Variants in LIG1 observed in about 807,000 individuals in gnomAD.
LIG1 encodes DNA ligase 1.
Under a neutral mutation model 115.7 loss-of-function variants are expected in LIG1, and 70 were observed. That is an observed-to-expected ratio of 0.60 (90% CI 0.50 to 0.74). The LOEUF (loss-of-function observed/expected upper bound fraction) is 0.74. Among genes scored for constraint, LIG1 ranks in the 30% least tolerant of loss-of-function variants. LIG1 has a pLI of 0.00. For synonymous variants in LIG1, 487 were observed against 495.3 expected, an observed-to-expected ratio of 0.98 and a Z score of 0.22; for missense variants, 1,115 against 1,225.6, an observed-to-expected ratio of 0.91 and a Z score of 1.35.
rs1018748234 is a variant in LIG1 at position 48,137,464 on chromosome 19, C to T, written c.1254+58G>A. 54 of 1,596,470 alleles carry T rather than the reference C, an allele frequency of 3.4e-5. No homozygotes were observed. In the East Asian group the frequency reaches 8.0e-4, roughly 24 times the overall value. On this transcript the variant is annotated intron_variant, in intron 13 of 27. Coordinates refer to ENST00000263274, the MANE Select transcript of LIG1 (RefSeq NM_000234.3). This position sits in a 1 kb window ranked among gnomAD's most constrained non-coding sequence, Gnocchi z 4.3. ...TACCCAGAAGCCTTCCTGACACACG[C>T]GTGGCCTCAGGTCCCCAAGATGTCT...
intron 21 of LIG1, among the ~76,000 whole-genome samples, chr19:48,125,750 G>A (rs924775144): frequency 2.0e-5 from 3 of 151,940 alleles, no homozygotes; most frequent in Non-Finnish European, 4.4e-5. Flanking sequence ...AGCACTTTGG[G>A]AGGCTGAGGT....
In LIG1 at chr19:48,133,070, T is replaced by TCCCACCC; in HGVS notation, c.1636_1637insGGGTGGG (p.His546ArgfsTer16). 6.2e-7 allele frequency: 1 copy of TCCCACCC among 1,614,002 alleles called. No individual in the cohort carries two copies. The highest frequency in any genetic ancestry group is 8.5e-7 in the Non-Finnish European group (1 of 1,179,892). On this transcript the variant is annotated frameshift_variant, in exon 18 of 28. Coordinates refer to ENST00000263274, the MANE Select transcript of LIG1 (RefSeq NM_000234.3). LOFTEE classifies it high-confidence loss of function. ...GACCTCGCTGATGCCCCGGGTGGGA[T>TCCCACCC]GGGCCAACATTGGTTTCAGGGGAAT...
At chr19:48,124,248 G>C (rs2033510625) in intron 21 of LIG1, among the ~76,000 whole-genome samples, 1 of 152,186 alleles carries the variant, frequency 6.6e-6, no homozygotes, top group African/African-American at 2.4e-5. Context: ...TTGTGCTCAT[G>C]AACATTTTGT....
At chr19:48,152,276 C>T (rs1336912098) in intron 6 of LIG1, among the ~76,000 whole-genome samples, 3 of 152,124 alleles carry the variant, frequency 2.0e-5, no homozygotes, top group African/African-American at 7.2e-5. Flanking sequence ...GCGCATGCCA[C>T]CATACCCAGC....
At chr19:48,127,617 G>T in intron 20 of LIG1, 1 of 606,812 alleles carries the variant, frequency 1.6e-6, no homozygotes, top group Non-Finnish European at 2.9e-6. Flanking sequence ...TGGCCAATGA[G>T]ATGGAAAAGG....
At chr19:48,144,710 G>C (rs1033027799) in intron 9 of LIG1, among the ~76,000 whole-genome samples, 1 of 152,104 alleles carries the variant, frequency 6.6e-6, no homozygotes, top group South Asian at 2.1e-4. Context: ...CACCATGTTC[G>C]CTAGGCTGAT....
intron 5 of LIG1, among the ~76,000 whole-genome samples, chr19:48,155,916 A>G (rs555971081): frequency 6.6e-6 from 1 of 152,320 alleles, no homozygotes; most frequent in South Asian, 2.1e-4. Context: ...ATGTAAATTC[A>G]ACTGAAAGGA....
In LIG1 at chr19:48,162,494, C is replaced by T. The variant is rs547905051; in HGVS notation, c.18-143G>A. 669 of 595,804 alleles carry T rather than the reference C, an allele frequency of 1.1e-3. 6 individuals are homozygous for T. Among genetic ancestry groups the T allele is most frequent in the South Asian group, 8.6e-3 (449 of 52,332 alleles). The allele number at this position is 595,804 out of a possible 1,614,324, so 36.9% of individuals were successfully genotyped here. ...TGTAGCCCAGGCTGGAGTGCAATGG[C>T]GCAATCTCAGCTCACTGCAAGCTCC... On this transcript the variant is annotated intron_variant, in intron 2 of 27. Transcript: ENST00000263274.
At chr19:48,148,877 C>A (rs1278240550) in intron 9 of LIG1, among the ~76,000 whole-genome samples, 1 of 152,214 alleles carries the variant, frequency 6.6e-6, no homozygotes, top group Non-Finnish European at 1.5e-5. Flanking sequence ...ACACTAAGCA[C>A]ATCACGAGGG....
At chr19:48,135,940 G>T (rs985094893) in intron 15 of LIG1, 94 bp downstream of exon 15, 5 of 785,402 alleles carry the variant, frequency 6.4e-6, no homozygotes, top group East Asian at 7.2e-5. Flanking sequence ...GCAGGGGCCC[G>T]CTGGGGAAGG....
rs565987347 is a variant in LIG1 at position 48,152,749 on chromosome 19, C to A, written c.466+1123G>T. ...GCAATGACATTGCATCTCTGCAAAG[C>A]TGGGTTTTCATAGGTTGCTGCTATA... On this transcript the variant is annotated intron_variant, in intron 6 of 27. Coordinates refer to ENST00000263274, the MANE Select transcript of LIG1 (RefSeq NM_000234.3). Among the ~76,000 whole-genome samples, 62 of 152,324 alleles carry A rather than the reference C, an allele frequency of 4.1e-4. No homozygotes were observed. The South Asian group carries it at 0.013, about 32-fold the overall frequency.
chr19:48,166,056 C>T (rs923676455), intron 1 of LIG1, among the ~76,000 whole-genome samples: 1 of 152,150 alleles, frequency 6.6e-6, no homozygotes, highest in Non-Finnish European at 1.5e-5. Context: ...TTATTTCAAA[C>T]AAAGGGCAGA....
Position 48,122,906 on chromosome 19 carries a change from GA to G in LIG1, c.2232+27del. ...GACAGACCTCCAGACCCGGGGTGGA[GA>G]AGGCCCAGTTGGGGGTCGAGAATCA... On this transcript the variant is annotated intron_variant, in intron 23 of 27. Coordinates refer to ENST00000263274, the MANE Select transcript of LIG1 (RefSeq NM_000234.3). The surrounding 1 kb of genome is among the most constrained non-coding windows in gnomAD (Gnocchi z 4.3). 1 of 1,608,870 alleles carries G rather than the reference GA, an allele frequency of 6.2e-7. No homozygotes were observed. The highest frequency in any genetic ancestry group is 1.3e-5 in the African/African-American group (1 of 74,824).
intron 16 of LIG1, 57 bp from the exon 17 acceptor site, chr19:48,134,123 G>A: frequency 6.8e-7 from 1 of 1,475,292 alleles, no homozygotes; most frequent in Non-Finnish European, 9.3e-7. Context: ...CACACAGTTT[G>A]GAAAGAGAGC....
chr19:48,147,035 T>C (rs955205158), intron 9 of LIG1, among the ~76,000 whole-genome samples: 1 of 152,218 alleles, frequency 6.6e-6, no homozygotes, highest in African/African-American at 2.4e-5. Context: ...AGGTCTCAAT[T>C]GGGGGTACAA....
chr19:48,136,041 CG>C lies in LIG1; in HGVS notation c.1415del (p.Pro472ArgfsTer30). On this transcript the variant is annotated frameshift_variant, in exon 15 of 28. Transcript: ENST00000263274. LOFTEE classifies it high-confidence loss of function. Reference sequence around the variant, plus strand: ...CGGGCCACAGGAGCTCACCTTGGCCCGGGGGCGTGAGGCTCACTGCCTGGGA... The same window carrying C: ...CGGGCCACAGGAGCTCACCTTGGCCCGGGGCGTGAGGCTCACTGCCTGGGA... ...ALSQAVSLTP[P>X]GQEFPPAMVD... The C allele has an allele frequency of 1.3e-6, 2 of 1,563,534 alleles. No homozygotes were observed. The highest frequency in any genetic ancestry group is 1.9e-5 in the Admixed American group (1 of 53,270).
In LIG1 at chr19:48,122,338, A is replaced by G. The variant is rs980072737; in HGVS notation, c.2232+596T>C. On this transcript the variant is annotated intron_variant, in intron 23 of 27. Transcript: ENST00000263274. This position sits in a 1 kb window ranked among gnomAD's most constrained non-coding sequence, Gnocchi z 4.3. ...ACTTCCTGAAACCTTCAAGAGGAAG[A>G]TCCAGTTTTATCTCACAGTGGCCCC... 3 of 160,356 alleles carry G rather than the reference A, an allele frequency of 1.9e-5. No homozygotes were observed. The highest frequency in any genetic ancestry group is 7.2e-5 in the African/African-American group (3 of 41,510). 9.9% of individuals were successfully genotyped at this position (160,356 alleles called of 1,614,324 possible). A position where few individuals can be genotyped will look rare whatever the true frequency, so the allele number is the denominator to read the frequency against.
intron 2 of LIG1, among the ~76,000 whole-genome samples, chr19:48,163,441 G>A (rs536834337): frequency 5.6e-4 from 85 of 151,596 alleles, no homozygotes; most frequent in African/African-American, 1.5e-3. Context: ...GGCTGGTCTC[G>A]AACTCCTGAT....
chr19:48,126,665 A>T (rs1298122716), intron 21 of LIG1, among the ~76,000 whole-genome samples: 1 of 151,986 alleles, frequency 6.6e-6, no homozygotes, highest in Admixed American at 6.6e-5. Flanking sequence ...TGGGTTACAT[A>T]ATATTATAGT....
Sources: gnomAD v4.1 joint callset for allele counts (sites outside exome capture counted in the v4.1 genomes callset) on GRCh38, gnomAD v4.1.1 for gene constraint, Gnocchi (gnomAD v3.1) non-coding constraint, MANE v1.5 for transcripts, NCBI Gene and HGNC (gene_info 2026-07-23, HGNC 2026-07-21) for gene names.